Variants in NALF1 observed in about 807,000 individuals in gnomAD.
NALF1 encodes family with sequence similarity 155 member A.
Under a neutral mutation model 48.4 loss-of-function variants are expected in NALF1, and 3 were observed. The observed-to-expected ratio is 0.06, with a 90% CI of 0.03 to 0.16. The LOEUF (loss-of-function observed/expected upper bound fraction) is 0.16. Among genes scored for constraint, NALF1 ranks in the 10% least tolerant of loss-of-function variants. The pLI is 1.00. For missense variants in NALF1, 526 were observed against 571.5 expected (o/e 0.92, Z 0.81); for synonymous variants, 262 against 245.7 (o/e 1.07, Z -0.62).
chr13:107,340,465 T>TCTTTCTTTCTTTCTTTC (rs1882652423), intron 1 of NALF1, among the ~76,000 whole-genome samples: 1 of 94,040 alleles, frequency 1.1e-5, no homozygotes, highest in Non-Finnish European at 2.3e-5. Flanking sequence ...TTTCTTTCTT[T>TCTTTCTTTCTTTCTTTC]CTTCTCTCTT....
chr13:107,379,324 A>C, intron 1 of NALF1, among the ~76,000 whole-genome samples: 1 of 152,198 alleles, frequency 6.6e-6, no homozygotes, highest in East Asian at 1.9e-4. Flanking sequence ...TAAATGCCCT[A>C]GTCCCAAACC....
At chr13:107,435,089 T>TG (rs1345191035) in intron 1 of NALF1, among the ~76,000 whole-genome samples, 2 of 151,874 alleles carry the variant, frequency 1.3e-5, no homozygotes, top group Non-Finnish European at 2.9e-5. Flanking sequence ...TAGTAAGATT[T>TG]GGGGGTGGGG....
At position 107,866,758 on chromosome 13, in the gene NALF1, C is replaced by T. The variant is rs1347286667; in HGVS notation, c.-162G>A. On this transcript the variant is annotated 5_prime_UTR_variant, in exon 1 of 3. Coordinates refer to ENST00000375915, the MANE Select transcript of NALF1 (RefSeq NM_001080396.3). The surrounding 1 kb of genome is among the most constrained non-coding windows in gnomAD (Gnocchi z 4.4). ...CTCTCTTCCCCTCTCCCTCTCTCCT[C>T]TCTCTCTCTCTCCCTCTCCCTCTCT... The T allele has an allele frequency of 8.3e-6, 5 of 599,378 alleles. No homozygotes were observed. The highest frequency in any genetic ancestry group is 7.5e-5 in the African/African-American group (4 of 53,162). The allele number at this position is 599,378 out of a possible 1,614,324, so 37.1% of individuals were successfully genotyped here.
intron 1 of NALF1, among the ~76,000 whole-genome samples, chr13:107,383,554 A>G (rs1883476279): frequency 6.6e-6 from 1 of 152,136 alleles, no homozygotes; most frequent in Non-Finnish European, 1.5e-5. Context: ...GAAGTTCATT[A>G]TTCTTACGAG....
Position 107,392,736 on chromosome 13 carries a change from G to T in NALF1, c.916-181981C>A, listed in dbSNP as rs1334059658. 2.0e-5 allele frequency among the ~76,000 whole-genome samples: 3 copies of T among 152,124 alleles called. No individual in the cohort carries two copies. The East Asian group carries it at 5.8e-4, about 29-fold the overall frequency. On this transcript the variant is annotated intron_variant, in intron 1 of 2. Transcript: ENST00000375915. ...GTGTAATCTCAAGTAATACACTGGG[G>T]TCTTTCCGCCCTCTTACACAGACTG...
At chr13:107,226,314 A>G (rs1271598329) in intron 1 of NALF1, among the ~76,000 whole-genome samples, 9 of 152,212 alleles carry the variant, frequency 5.9e-5, no homozygotes. Context: ...ACTCACTATT[A>G]TTTAAAATCA....
At chr13:107,510,690 C>A (rs1383258318) in intron 1 of NALF1, among the ~76,000 whole-genome samples, 3 of 152,106 alleles carry the variant, frequency 2.0e-5, no homozygotes, top group Non-Finnish European at 4.4e-5. Context: ...TGATACTCTG[C>A]GGCTGAACTC....
intron 1 of NALF1, among the ~76,000 whole-genome samples, chr13:107,441,809 G>C (rs1884564376): frequency 6.6e-6 from 1 of 152,150 alleles, no homozygotes; most frequent in Non-Finnish European, 1.5e-5. Flanking sequence ...TGCCCCTCTA[G>C]GGGTATTAAT....
At chr13:107,340,172 A>G (rs971064212) in intron 1 of NALF1, among the ~76,000 whole-genome samples, 24 of 97,254 alleles carry the variant, frequency 2.5e-4, no homozygotes, top group Admixed American at 1.5e-3. Context: ...CCTCACTTAC[A>G]TTCCTTTTTT....
chr13:107,637,906 G>C (rs531102790), intron 1 of NALF1, among the ~76,000 whole-genome samples: 1 of 152,018 alleles, frequency 6.6e-6, no homozygotes, highest in Admixed American at 6.6e-5. Flanking sequence ...AATGTTCACT[G>C]GCATTTTAGC....
intron 1 of NALF1, among the ~76,000 whole-genome samples, chr13:107,406,882 A>G (rs748840004): frequency 2.0e-5 from 3 of 152,164 alleles, no homozygotes; most frequent in Non-Finnish European, 4.4e-5. Context: ...ACAGAGCTAC[A>G]GTAACCAAAA....
chr13:107,232,627 T>C (rs1254255330), intron 1 of NALF1, among the ~76,000 whole-genome samples: 2 of 152,212 alleles, frequency 1.3e-5, no homozygotes, highest in African/African-American at 4.8e-5. Context: ...CGATATCACA[T>C]TATTTTAATA....
In NALF1 at chr13:107,823,579, G is replaced by A. The variant is rs527878669; in HGVS notation, c.915+42103C>T. ...TCACTGGCTTTGGTCAGTAACCCCC[G>A]TGGCCTCCGCTCCCACTCCAGAAGG... On this transcript the variant is annotated intron_variant, in intron 1 of 2. Transcript: ENST00000375915. Among the ~76,000 whole-genome samples, 186 of 149,310 alleles carry A rather than the reference G, an allele frequency of 1.2e-3. 1 individual carries two copies. Among genetic ancestry groups the A allele is most frequent in the African/African-American group, 4.4e-3 (177 of 40,068 alleles).
intron 1 of NALF1, among the ~76,000 whole-genome samples, chr13:107,829,854 T>G (rs377302617): frequency 2.0e-4 from 30 of 152,274 alleles, no homozygotes; most frequent in African/African-American, 6.5e-4. Flanking sequence ...TTTTTTAAAT[T>G]TCTCTTTATG....
At chr13:107,331,295 T>C (rs924391476) in intron 1 of NALF1, among the ~76,000 whole-genome samples, 7 of 152,170 alleles carry the variant, frequency 4.6e-5, no homozygotes, top group African/African-American at 1.7e-4. Flanking sequence ...AATCGTTCAA[T>C]TGCTTGTCAA....
rs145250362 is a variant in NALF1 at position 107,861,412 on chromosome 13, G to C, written c.915+4270C>G. On this transcript the variant is annotated intron_variant, in intron 1 of 2. Coordinates refer to ENST00000375915, the MANE Select transcript of NALF1 (RefSeq NM_001080396.3). ...TGAACAGTGACATGATATTACAATA[G>C]CACTTAGTCAAGAGCAAAATATTTT... Among the ~76,000 whole-genome samples the C allele has an allele frequency of 1.3e-3, 199 of 152,280 alleles. 5 individuals are homozygous for C. In the East Asian group the frequency reaches 0.034, roughly 26 times the overall value.
At chr13:107,252,678 G>A (rs1000623021) in intron 1 of NALF1, among the ~76,000 whole-genome samples, 1 of 152,166 alleles carries the variant, frequency 6.6e-6, no homozygotes, top group Non-Finnish European at 1.5e-5. Flanking sequence ...GGGGGAAAGA[G>A]ATTAGACAAG....
At chr13:107,527,265 T>A (rs1876477983) in intron 1 of NALF1, among the ~76,000 whole-genome samples, 1 of 152,106 alleles carries the variant, frequency 6.6e-6, no homozygotes, top group Non-Finnish European at 1.5e-5. Flanking sequence ...TCTCTAGGCT[T>A]ACCTTGGCTC....
chr13:107,508,689 G>A (rs1354357255), intron 1 of NALF1, among the ~76,000 whole-genome samples: 2 of 152,046 alleles, frequency 1.3e-5, no homozygotes, highest in African/African-American at 4.8e-5. Flanking sequence ...CAGCTTCACA[G>A]ATGAGGGAAA....
Sources: allele counts gnomAD v4.1 joint callset (sites outside exome capture counted in the v4.1 genomes callset), GRCh38; gene constraint gnomAD v4.1.1; non-coding constraint Gnocchi (gnomAD v3.1); transcripts MANE v1.5; gene names NCBI Gene and HGNC (gene_info 2026-07-23, HGNC 2026-07-21).